C10orf90: variants seen among roughly 807,000 people sequenced by gnomAD.
The protein encoded by C10orf90 is (E2-independent) E3 ubiquitin-conjugating enzyme FATS.
C10orf90 carries 56 observed loss-of-function variants against 62.5 expected under a neutral mutation model. The observed-to-expected ratio is 0.90, with a 90% CI of 0.72 to 1.12. C10orf90 has a LOEUF of 1.12. C10orf90 is among the 50% of genes most tolerant of loss of function. The pLI, the probability that C10orf90 is intolerant of heterozygous loss-of-function variation, is 0.00. For synonymous variants in C10orf90, 386 were observed against 340.4 expected, an observed-to-expected ratio of 1.13 and a Z score of -1.47; for missense variants, 970 against 880.4, an observed-to-expected ratio of 1.10 and a Z score of -1.29.
At chr10:126,490,000 T>C (rs1164798387) in intron 4 of C10orf90, among the ~76,000 whole-genome samples, 23 of 92,294 alleles carry the variant, frequency 2.5e-4, no homozygotes, top group African/African-American at 9.0e-4. Flanking sequence ...ATATATATTA[T>C]ATATTATATA....
chr10:126,510,910 G>A (rs1863068829), intron 3 of C10orf90, among the ~76,000 whole-genome samples: 1 of 152,224 alleles, frequency 6.6e-6, no homozygotes, highest in Non-Finnish European at 1.5e-5. Context: ...CTCCATTCCT[G>A]TAGCAATTTA....
chr10:126,535,608 C>T (rs565348584), intron 2 of C10orf90, among the ~76,000 whole-genome samples: 4 of 152,052 alleles, frequency 2.6e-5, no homozygotes, highest in South Asian at 4.2e-4. Flanking sequence ...CAAACCTGCA[C>T]GTTGTGCACA....
At chr10:126,532,989 G>A (rs980779588) in intron 2 of C10orf90, among the ~76,000 whole-genome samples, 2 of 150,910 alleles carry the variant, frequency 1.3e-5, no homozygotes, top group African/African-American at 2.4e-5. Context: ...CTGGAGTGCA[G>A]TGGCGCTATC....
intron 1 of C10orf90, among the ~76,000 whole-genome samples, chr10:126,656,029 A>T (rs1846389647): frequency 6.6e-6 from 1 of 152,048 alleles, no homozygotes; most frequent in African/African-American, 2.4e-5. Context: ...TGACTTTCAC[A>T]CCTTCTCAGA....
In C10orf90 at chr10:126,612,192, G is replaced by A. The variant is rs369769724; in HGVS notation, c.313+34373C>T. ...AAAAATTAGCTGCGCATGGAGGCGC[G>A]CACCTGTAATCCCAGCTACTCGGGT... On this transcript the variant is annotated intron_variant, in intron 2 of 9. Coordinates refer to ENST00000488181, the MANE Select transcript of C10orf90 (RefSeq NM_001350921.2). Among the ~76,000 whole-genome samples the A allele has an allele frequency of 3.9e-5, 6 of 152,230 alleles. No homozygotes were observed. The East Asian group carries it at 9.7e-4, about 25-fold the overall frequency.
In C10orf90 at chr10:126,461,452, G is replaced by A. The variant is rs147590985; in HGVS notation, c.1959C>T (p.Ser653=). ...PRDGAGSPGL[S]EDCSESQQTP... Reference sequence around the variant, plus strand: ...TTTGCTGAGACTCAGAACAGTCTTCGGACAGGCCAGGGCTCCCTGCTCCAT... The same window carrying A: ...TTTGCTGAGACTCAGAACAGTCTTCAGACAGGCCAGGGCTCCCTGCTCCAT... The change falls in exon 6 of 10, where the codon TCC becomes TCT. Residue 653 remains serine, a synonymous_variant. Coordinates refer to ENST00000488181, the MANE Select transcript of C10orf90 (RefSeq NM_001350921.2). 35 of 1,614,050 alleles carry A rather than the reference G, an allele frequency of 2.2e-5. No individual in the cohort carries two copies. The highest frequency in any genetic ancestry group is 1.6e-4 in the African/African-American group (12 of 74,924).
At chr10:126,579,696 G>A (rs1239430920) in intron 2 of C10orf90, among the ~76,000 whole-genome samples, 1 of 151,636 alleles carries the variant, frequency 6.6e-6, no homozygotes, top group African/African-American at 2.4e-5. Context: ...ATCTCTTACT[G>A]AAATCTACCA....
chr10:126,627,728 C>T (rs1845774263), intron 2 of C10orf90, among the ~76,000 whole-genome samples: 3 of 152,074 alleles, frequency 2.0e-5, no homozygotes, highest in African/African-American at 7.2e-5. Context: ...AAAAGAAAAC[C>T]CAACTCCTAG....
intron 2 of C10orf90, among the ~76,000 whole-genome samples, chr10:126,553,304 A>C (rs779198863): frequency 6.6e-6 from 1 of 152,212 alleles, no homozygotes; most frequent in African/African-American, 2.4e-5. Flanking sequence ...AATAAGAAAA[A>C]GATAGAAAAC....
intron 2 of C10orf90, among the ~76,000 whole-genome samples, chr10:126,625,829 G>C (rs1845730800): frequency 6.6e-6 from 1 of 152,114 alleles, no homozygotes; most frequent in South Asian, 2.1e-4. Flanking sequence ...AATGTGGGCA[G>C]GTGGGCTGGG....
intron 7 of C10orf90, among the ~76,000 whole-genome samples, chr10:126,440,723 C>A (rs995851672): frequency 6.6e-6 from 1 of 152,184 alleles, no homozygotes; most frequent in African/African-American, 2.4e-5. Context: ...GGACTCTGTG[C>A]AGACAACCCC....
At chr10:126,484,216 G>A (rs1288615136) in intron 4 of C10orf90, among the ~76,000 whole-genome samples, 6 of 151,598 alleles carry the variant, frequency 4.0e-5, no homozygotes, top group Non-Finnish European at 5.9e-5. Context: ...TCATGAATAC[G>A]CCAATTCCCT....
intron 2 of C10orf90, among the ~76,000 whole-genome samples, chr10:126,613,977 G>C (rs1417753508): frequency 1.3e-5 from 2 of 152,172 alleles, no homozygotes; most frequent in African/African-American, 4.8e-5. Context: ...GAGGCTCCAT[G>C]AATCTGATGC....
Position 126,645,207 on chromosome 10 carries a change from C to T in C10orf90, c.313+1358G>A, listed in dbSNP as rs561414304. 1.8e-4 allele frequency among the ~76,000 whole-genome samples: 25 copies of T among 139,190 alleles called. No homozygotes were observed. The East Asian group carries it at 5.0e-3, about 28-fold the overall frequency. The allele number at this position is 139,190 out of a possible 152,430, so 91.3% of individuals were successfully genotyped here. On this transcript the variant is annotated intron_variant, in intron 2 of 9. Transcript: ENST00000488181. Reference sequence around the variant, plus strand: ...AGCGCACCAGCATGGCACATGTATACATATGTAACTAACCTGCACATTGTG... The same window carrying T: ...AGCGCACCAGCATGGCACATGTATATATATGTAACTAACCTGCACATTGTG...
At chr10:126,431,659 G>C (rs1857576853) in intron 7 of C10orf90, among the ~76,000 whole-genome samples, 1 of 152,184 alleles carries the variant, frequency 6.6e-6, no homozygotes. Context: ...GGCTACTCAA[G>C]ATTAGGGTGA....
At chr10:126,653,409 G>C (rs887007078) in intron 1 of C10orf90, among the ~76,000 whole-genome samples, 1 of 152,222 alleles carries the variant, frequency 6.6e-6, no homozygotes, top group African/African-American at 2.4e-5. Flanking sequence ...AATGTCCACA[G>C]AATCTTCACC....
intron 7 of C10orf90, among the ~76,000 whole-genome samples, chr10:126,433,743 A>G (rs1265358742): frequency 6.6e-6 from 1 of 152,204 alleles, no homozygotes; most frequent in Non-Finnish European, 1.5e-5. Flanking sequence ...AAAACAAAAC[A>G]AAACAAAACA....
At chr10:126,514,866 C>T (rs561639699) in intron 2 of C10orf90, among the ~76,000 whole-genome samples, 7 of 151,846 alleles carry the variant, frequency 4.6e-5, no homozygotes, top group Non-Finnish European at 7.4e-5. Flanking sequence ...ATGGTATGAG[C>T]GTGGAAGTAG....
intron 2 of C10orf90, among the ~76,000 whole-genome samples, chr10:126,539,520 G>C (rs4962573): frequency 3.9e-5 from 6 of 152,070 alleles, no homozygotes; most frequent in African/African-American, 1.2e-4. Context: ...ATGCATTTTA[G>C]TGATTCTTCT....
Sources: gnomAD v4.1 joint callset for allele counts (sites outside exome capture counted in the v4.1 genomes callset) on GRCh38, gnomAD v4.1.1 for gene constraint, MANE v1.5 for transcripts, NCBI Gene and HGNC (gene_info 2026-07-23, HGNC 2026-07-21) for gene names.